Variants in KANSL1 observed in about 807,000 individuals in gnomAD.
KANSL1 encodes the protein MLL1/MLL complex subunit KANSL1.
Under a neutral mutation model 103.6 loss-of-function variants are expected in KANSL1, and 22 were observed. The observed-to-expected ratio is 0.21, with a 90% confidence interval of 0.15 to 0.30. The LOEUF (loss-of-function observed/expected upper bound fraction) is 0.30. Ranked by LOEUF, KANSL1 falls within the 10% of genes least tolerant of loss-of-function variation. The pLI is 1.00. For synonymous variants in KANSL1, 600 were observed against 527.6 expected, an observed-to-expected ratio of 1.14 and a Z score of -1.88; for missense variants, 1,337 against 1,399.8, an observed-to-expected ratio of 0.96 and a Z score of 0.72.
chr17:46,138,673 C>T (rs1597772998), intron 2 of KANSL1, among the ~76,000 whole-genome samples: 1 of 152,220 alleles, frequency 6.6e-6, no homozygotes, highest in Non-Finnish European at 1.5e-5. Context: ...TGTAAATCAA[C>T]AGCACATCTA....
chr17:46,096,667 G>A (rs2042099763), intron 2 of KANSL1, among the ~76,000 whole-genome samples: 2 of 151,072 alleles, frequency 1.3e-5, no homozygotes, highest in African/African-American at 2.4e-5. Context: ...CGCCCGGGCT[G>A]GAGTCCAGTG....
At chr17:46,121,100 TA>T (rs2043258850) in intron 2 of KANSL1, among the ~76,000 whole-genome samples, 1 of 152,124 alleles carries the variant, frequency 6.6e-6, no homozygotes, top group African/African-American at 2.4e-5. Context: ...AATTGAACCT[TA>T]ATTCTCACAC....
intron 10 of KANSL1, chr17:46,037,202 G>A (rs2077176859): frequency 6.6e-6 from 1 of 152,188 alleles, no homozygotes. Flanking sequence ...GAATCTCTGA[G>A]TTCAGATTTT....
At chr17:46,101,729 G>A (rs113564729) in intron 2 of KANSL1, among the ~76,000 whole-genome samples, 50,235 of 137,640 alleles carry the variant, frequency 0.36, 9,220 homozygotes, top group South Asian at 0.61. Flanking sequence ...TCTCCAGCCT[G>A]GGGGACAGAG....
chr17:46,153,694 A>G (rs1400461865), intron 2 of KANSL1, among the ~76,000 whole-genome samples: 2 of 152,246 alleles, frequency 1.3e-5, no homozygotes, highest in Non-Finnish European at 2.9e-5. Context: ...TCAAACCAGA[A>G]AAAGTCTGAG....
At chr17:46,107,123 G>A (rs1459955499) in intron 2 of KANSL1, among the ~76,000 whole-genome samples, 1 of 152,224 alleles carries the variant, frequency 6.6e-6, no homozygotes, top group Non-Finnish European at 1.5e-5. Context: ...GCAACAAAGA[G>A]CATCTCAGAC....
At chr17:46,189,406 G>A (rs887483472) in intron 1 of KANSL1, among the ~76,000 whole-genome samples, 2 of 152,028 alleles carry the variant, frequency 1.3e-5, no homozygotes, top group African/African-American at 2.4e-5. Flanking sequence ...CATCTATCTA[G>A]CAAGAAAGTC....
chr17:46,191,098 G>C (rs1235849759), intron 1 of KANSL1, among the ~76,000 whole-genome samples: 1 of 152,108 alleles, frequency 6.6e-6, no homozygotes, highest in Non-Finnish European at 1.5e-5. Context: ...AGTAACCTAT[G>C]TAGAAAAAAC....
chr17:46,043,998 A>AG (rs2077416139), intron 7 of KANSL1: 1 of 152,110 alleles, frequency 6.6e-6, no homozygotes, highest in East Asian at 1.9e-4. Flanking sequence ...AGTAAAAAAA[A>AG]AAAAAAAAGA....
intron 2 of KANSL1, among the ~76,000 whole-genome samples, chr17:46,097,521 G>A (rs1365689354): frequency 6.6e-6 from 1 of 152,180 alleles, no homozygotes; most frequent in Non-Finnish European, 1.5e-5. Flanking sequence ...GAAAGGGGAT[G>A]GAGAAGTTGG....
intron 2 of KANSL1, among the ~76,000 whole-genome samples, chr17:46,123,986 A>T (rs1202849237): frequency 6.8e-6 from 1 of 147,626 alleles, no homozygotes; most frequent in African/African-American, 2.4e-5. Context: ...AAGAGAGGAG[A>T]ATGCTTGACT....
intron 2 of KANSL1, among the ~76,000 whole-genome samples, chr17:46,136,376 C>T (rs1370372570): frequency 6.6e-6 from 1 of 152,214 alleles, no homozygotes; most frequent in Non-Finnish European, 1.5e-5. Flanking sequence ...TATGCATGCA[C>T]ATGTTCACAT....
At chr17:46,062,903 A>G (rs184042504) in intron 6 of KANSL1, among the ~76,000 whole-genome samples, 191 of 151,948 alleles carry the variant, frequency 1.3e-3, no homozygotes, top group Middle Eastern at 6.8e-3. Context: ...TACAAAAAAT[A>G]GCTGGGCGTG....
chr17:46,176,046 G>C (rs1475576519), intron 1 of KANSL1, among the ~76,000 whole-genome samples: 1 of 152,178 alleles, frequency 6.6e-6, no homozygotes, highest in Admixed American at 6.5e-5. Flanking sequence ...CTCCCCTTTT[G>C]AATGTCAATA....
intron 7 of KANSL1, among the ~76,000 whole-genome samples, chr17:46,048,187 T>C (rs1427904366): frequency 6.6e-6 from 1 of 152,100 alleles, no homozygotes; most frequent in Non-Finnish European, 1.5e-5. Context: ...GGATTACAGG[T>C]GTGAGCCACT....
chr17:46,081,452 T>C (rs1224747265), intron 4 of KANSL1, among the ~76,000 whole-genome samples: 1 of 152,210 alleles, frequency 6.6e-6, no homozygotes, highest in African/African-American at 2.4e-5. Context: ...AAACTTGGCA[T>C]TCTGCTCTTT....
intron 1 of KANSL1, among the ~76,000 whole-genome samples, chr17:46,185,976 A>G (rs1029607300): frequency 2.9e-5 from 3 of 103,926 alleles, no homozygotes; most frequent in African/African-American, 9.7e-5. Context: ...AAGACAGAGG[A>G]AAAAAAAATC....
chr17:46,077,665 C>A (rs543990180), intron 4 of KANSL1, among the ~76,000 whole-genome samples: 16 of 152,268 alleles, frequency 1.1e-4, no homozygotes, highest in African/African-American at 3.6e-4. Context: ...TCAAGCGATT[C>A]TCCTGCTTCA....
intron 2 of KANSL1, among the ~76,000 whole-genome samples, chr17:46,134,323 G>A (rs2044013498): frequency 6.6e-6 from 1 of 152,158 alleles, no homozygotes; most frequent in African/African-American, 2.4e-5. Flanking sequence ...CTTGGACCCT[G>A]GAGGTGGAAG....
Sources: allele counts gnomAD v4.1 joint callset (sites outside exome capture counted in the v4.1 genomes callset), GRCh38; gene constraint gnomAD v4.1.1; transcripts MANE v1.5; gene names NCBI Gene and HGNC (gene_info 2026-07-23, HGNC 2026-07-21).